The following PA2G4 variants were observed in gnomAD, a reference collection of about 807,000 sequenced individuals.
PA2G4 encodes the protein proliferation-associated 2G4, also known as proliferation-associated protein 2G4.
In PA2G4, 8 loss-of-function variants were observed where a neutral mutation model predicts 53.3. The observed-to-expected ratio is 0.15, with a 90% CI of 0.09 to 0.27. The LOEUF (loss-of-function observed/expected upper bound fraction) is 0.27. Ranked by LOEUF, PA2G4 falls within the 10% of genes least tolerant of loss-of-function variation. The pLI, the probability that PA2G4 is intolerant of heterozygous loss-of-function variation, is 1.00. For missense variants in PA2G4, 208 were observed against 486.8 expected (o/e 0.43, Z 5.39); for synonymous variants, 143 against 169.8 (o/e 0.84, Z 1.23).
rs1869461517 is a variant in PA2G4 at position 56,112,948 on chromosome 12, G to T, written c.*60G>T. On this transcript the variant is annotated 3_prime_UTR_variant, in exon 13 of 13. Transcript: ENST00000303305. ...CTCATCCCCTTCCCACCAAACCCCA[G>T]ACTCTGTGAAGTGCAGTTCTTCTCC... The T allele has an allele frequency of 8.5e-7, 1 of 1,171,590 alleles. No individual in the cohort carries two copies. The highest frequency in any genetic ancestry group is 1.4e-5 in the South Asian group (1 of 70,214). 72.6% of individuals were successfully genotyped at this position (1,171,590 alleles called of 1,614,324 possible). A position where few individuals can be genotyped will look rare whatever the true frequency, so the allele number is the denominator to read the frequency against.
Position 56,111,165 on chromosome 12 carries a change from C to T in PA2G4, c.938-17C>T, listed in dbSNP as rs202016442. On this transcript the variant is annotated splice_polypyrimidine_tract_variant and intron_variant, in intron 10 of 12. Coordinates refer to ENST00000303305, the MANE Select transcript of PA2G4 (RefSeq NM_006191.3). ...AAAGGAACTTTTTATCAAAACACAT[C>T]TTCATTTTTGCCATAGGTGAATTTG... 139 of 1,614,168 alleles carry T rather than the reference C, an allele frequency of 8.6e-5. No individual in the cohort carries two copies. In the Admixed American group the frequency reaches 2.1e-3, roughly 25 times the overall value.
Position 56,110,556 on chromosome 12 carries a change from C to G in PA2G4, c.709-3C>G. On this transcript the variant is annotated splice_region_variant and splice_polypyrimidine_tract_variant and intron_variant, in intron 8 of 12. Transcript: ENST00000303305. ...CCAAATGTTACTTAAATTACTCTTT[C>G]AGGCCAAGGATGCAGGACAGAGAAC... is the stretch of plus-strand genomic sequence containing the variant. 1.9e-6 allele frequency: 3 copies of G among 1,614,064 alleles called. No individual in the cohort carries two copies. Among genetic ancestry groups the G allele is most frequent in the Non-Finnish European group, 2.5e-6 (3 of 1,179,988 alleles).
chr12:56,105,084 G>A (rs1004724593), intron 1 of PA2G4: 3 of 690,338 alleles, frequency 4.3e-6, no homozygotes, highest in African/African-American at 3.5e-5. Flanking sequence ...CCGACCCGAG[G>A]CCGTTTGTTA....
chr12:56,106,874 TA>T, intron 2 of PA2G4, 115 bp from the exon 3 acceptor site: 1 of 1,263,760 alleles, frequency 7.9e-7, no homozygotes, highest in Non-Finnish European at 1.1e-6. Context: ...GTTTCCTACC[TA>T]ATCCAAACTG....
chr12:56,107,501 T>C lies in PA2G4; in HGVS notation c.394-20T>C. The C allele has an allele frequency of 6.4e-7, 1 of 1,560,768 alleles. No homozygotes were observed. Among genetic ancestry groups the C allele is most frequent in the African/African-American group, 1.4e-5 (1 of 74,008 alleles). On this transcript the variant is annotated intron_variant, in intron 4 of 12. Transcript: ENST00000303305. ...AACAGACTTTCCAGGAAGATACTGA[T>C]TGCATGTCCTTATCTACAGGGGACC...
At chr12:56,107,325 T>G in intron 4 of PA2G4, 69 bp downstream of exon 4, 1 of 1,259,670 alleles carries the variant, frequency 7.9e-7, no homozygotes, top group Middle Eastern at 2.6e-4. Flanking sequence ...TTGCTTCTTA[T>G]CCCCACCCCC....
chr12:56,104,780 G>A lies in PA2G4; in HGVS notation c.43G>A (p.Asp15Asn). ...DEQQEQTIAE[D>N]LVVTKYKMGG... is the part of the protein sequence containing the mutation. ...GCAACAGGAGCAAACTATCGCTGAGGACCTGGTCGTGACCAAGTATAAGAT... is the reference window on the plus strand; with the variant it reads ...GCAACAGGAGCAAACTATCGCTGAGAACCTGGTCGTGACCAAGTATAAGAT... Residue 15 changes from aspartate to asparagine, a missense_variant, in exon 1 of 13, where the codon GAC becomes AAC. Asp to Asn is a conservative substitution (Grantham distance 23). This residue lies in a region of PA2G4 where 15 missense variants were observed against 17.6 expected (regional missense o/e 0.85). Coordinates refer to ENST00000303305, the MANE Select transcript of PA2G4 (RefSeq NM_006191.3). 2 of 1,614,042 alleles carry A rather than the reference G, an allele frequency of 1.2e-6. No individual in the cohort carries two copies. The highest frequency in any genetic ancestry group is 1.7e-6 in the Non-Finnish European group (2 of 1,180,016).
chr12:56,106,789 C>T (rs1869312037), intron 2 of PA2G4, 73 bp downstream of exon 2: 2 of 1,523,784 alleles, frequency 1.3e-6, no homozygotes, highest in Admixed American at 2.2e-5. Context: ...ATTTTTTTCA[C>T]TGTAATGACG....
Position 56,112,873 on chromosome 12 carries a change from T to C in PA2G4, c.1170T>C (p.Asn390=). ...NATSGETLEE[N]EAGD ...CCAGTGGGGAAACATTAGAAGAAAA[T>C]GAAGCTGGGGACTGAGGTGGGTCCC... The change falls in exon 13 of 13, where the codon AAT becomes AAC. Residue 390 remains asparagine, a synonymous_variant. Transcript: ENST00000303305. 1 of 1,573,972 alleles carries C rather than the reference T, an allele frequency of 6.4e-7. No individual in the cohort carries two copies. Among genetic ancestry groups the C allele is most frequent in the Non-Finnish European group, 8.6e-7 (1 of 1,165,826 alleles).
In PA2G4 at chr12:56,109,234, C is replaced by T. The variant is rs1041473162; in HGVS notation, c.491C>T (p.Thr164Ile). The T allele has an allele frequency of 1.2e-6, 2 of 1,608,438 alleles. No homozygotes were observed. The highest frequency in any genetic ancestry group is 1.3e-5 in the African/African-American group (1 of 74,868). ...LRLVKPGNQN[T>I]QVTEAWNKVA... is the part of the protein sequence containing the mutation. The stretch of plus-strand genomic sequence containing the variant: ...CATTTGATGTTGTACTTCTAGAACA[C>T]ACAAGTGACAGAAGCCTGGAACAAA... The change falls in exon 6 of 13, where the codon ACA becomes ATA. Residue 164 changes from threonine (T) to isoleucine (I), a missense_variant. Transcript: ENST00000303305.
chr12:56,110,005 A>T (rs1327675171), intron 7 of PA2G4, 70 bp downstream of exon 7: 11 of 1,053,374 alleles, frequency 1.0e-5, no homozygotes, highest in Non-Finnish European at 1.6e-5. Context: ...CTATACTCCC[A>T]ACTGAATCTT....
intron 1 of PA2G4, chr12:56,105,082 AG>A: frequency 1.4e-6 from 1 of 691,106 alleles, no homozygotes; most frequent in Non-Finnish European, 2.6e-6. Context: ...CTCCGACCCG[AG>A]GCCGTTTGTT....
chr12:56,110,783 T>A (rs1869404085), intron 9 of PA2G4, 91 bp downstream of exon 9: 1 of 1,508,030 alleles, frequency 6.6e-7, no homozygotes, highest in African/African-American at 1.4e-5. Context: ...CCTAGACTTG[T>A]AGCGTGCATG....
intron 7 of PA2G4, 117 bp downstream of exon 7, chr12:56,110,052 T>C: frequency 1.3e-6 from 1 of 768,674 alleles, no homozygotes; most frequent in Non-Finnish European, 2.3e-6. Flanking sequence ...GAGTGACCTG[T>C]TGCTCTTAAT....
At chr12:56,112,445 G>T (rs1869448861) in intron 12 of PA2G4, among the ~76,000 whole-genome samples, 1 of 152,170 alleles carries the variant, frequency 6.6e-6, no homozygotes, top group Admixed American at 6.5e-5. Flanking sequence ...CTTTATTTCA[G>T]CTGTGACCCA....
At chr12:56,105,206 C>T (rs1869272309) in intron 1 of PA2G4, 1 of 466,210 alleles carries the variant, frequency 2.1e-6, no homozygotes, top group African/African-American at 2.0e-5. Context: ...CTATTGGCGA[C>T]AGAAGTGCCC....
Position 56,109,223 on chromosome 12 carries a change from C to T in PA2G4, c.487-7C>T. 6.3e-7 allele frequency: 1 copy of T among 1,597,716 alleles called. No individual in the cohort carries two copies. Among genetic ancestry groups the T allele is most frequent in the Non-Finnish European group, 8.6e-7 (1 of 1,167,912 alleles). On this transcript the variant is annotated splice_polypyrimidine_tract_variant and splice_region_variant and intron_variant, in intron 5 of 12. Coordinates refer to ENST00000303305, the MANE Select transcript of PA2G4 (RefSeq NM_006191.3). ...ATCTCACCTTTCATTTGATGTTGTA[C>T]TTCTAGAACACACAAGTGACAGAAG...
Position 56,111,478 on chromosome 12 carries a change from C to T in PA2G4, c.1068C>T (p.Ala356=), listed in dbSNP as rs964667308. Residue 356 remains alanine, a splice_region_variant and synonymous_variant, in exon 12 of 13, where the codon GCC becomes GCT. Coordinates refer to ENST00000303305, the MANE Select transcript of PA2G4 (RefSeq NM_006191.3). ...TTTCCCTTCTTCCTGTTTTCCAGGCCCTCCTCCAGAGTTCTGCAAGTCGAA... is the reference window on the plus strand; with the variant it reads ...TTTCCCTTCTTCCTGTTTTCCAGGCTCTCCTCCAGAGTTCTGCAAGTCGAA... ...EMEVQDAELK[A]LLQSSASRKT... The T allele has an allele frequency of 2.0e-5, 33 of 1,613,494 alleles. No homozygotes were observed. The highest frequency in any genetic ancestry group is 2.5e-5 in the Non-Finnish European group (30 of 1,179,904).
chr12:56,107,208 T>C lies in PA2G4; in HGVS notation c.345T>C (p.Asp115=). The stretch of plus-strand genomic sequence containing the variant: ...TCAGTGACCTTGGGGTCCATGTGGA[T>C]GGCTTCATCGCTAATGTAGCTCACA... ...LVKIDLGVHV[D]GFIANVAHTF... Residue 115 remains aspartate, a synonymous_variant, in exon 4 of 13, where the codon GAT becomes GAC. Coordinates refer to ENST00000303305, the MANE Select transcript of PA2G4 (RefSeq NM_006191.3). 6.2e-7 allele frequency: 1 copy of C among 1,613,956 alleles called. No individual in the cohort carries two copies. The highest frequency in any genetic ancestry group is 8.5e-7 in the Non-Finnish European group (1 of 1,179,908).
Sources: gnomAD v4.1 joint callset for allele counts (sites outside exome capture counted in the v4.1 genomes callset) on GRCh38, gnomAD v4.1.1 for gene constraint, gnomAD v4.1.1 regional missense constraint, MANE v1.5 for transcripts, NCBI Gene and HGNC (gene_info 2026-07-23, HGNC 2026-07-21) for gene names.